The following RAI14 variants were observed in gnomAD, a reference collection of about 807,000 sequenced individuals.
RAI14 encodes retinoic acid induced 14, also known as ankycorbin.
Under a neutral mutation model 115.4 loss-of-function variants are expected in RAI14, and 45 were observed. The observed-to-expected ratio is 0.39, with a 90% CI of 0.31 to 0.50. RAI14 has a LOEUF of 0.50. RAI14 is among the 20% of genes least tolerant of loss of function. The pLI is 0.85. For missense variants in RAI14, 939 were observed against 1,131.2 expected (o/e 0.83, Z 2.44); for synonymous variants, 371 against 415.4 (o/e 0.89, Z 1.30).
At chr5:34,819,353 A>G (rs567693044) in intron 13 of RAI14, among the ~76,000 whole-genome samples, 6 of 152,356 alleles carry the variant, frequency 3.9e-5, no homozygotes, top group Admixed American at 3.3e-4. Context: ...TATCATGTTC[A>G]GATGAGGTCC....
chr5:34,696,200 A>G (rs7700736), intron 2 of RAI14, among the ~76,000 whole-genome samples: 123,710 of 151,946 alleles, frequency 0.81, 50,918 homozygotes, highest in African/African-American at 0.92. Flanking sequence ...GTGCAGTGGC[A>G]CAATCTTGGC....
chr5:34,803,731 C>T lies in RAI14; in HGVS notation c.276C>T (p.Leu92=), dbSNP rs200367467. 31 of 1,611,464 alleles carry T rather than the reference C, an allele frequency of 1.9e-5. No homozygotes were observed. The highest frequency in any genetic ancestry group is 1.6e-4 in the Middle Eastern group (1 of 6,080). ...QDTTGHSALH[L]AAKNSHHECI... ...ATTTAGGACACAGCGCCTTACATCT[C>T]GCAGCCAAGAACAGCCACCATGAAT... is the stretch of plus-strand genomic sequence containing the variant. The change falls in exon 5 of 18, where the codon CTC becomes CTT. Residue 92 remains leucine (L), a synonymous_variant. Transcript: ENST00000265109.
rs575169517 is a variant in RAI14 at position 34,796,163 on chromosome 5, G to T, written c.256+136G>T. 5.3e-4 allele frequency: 347 copies of T among 649,896 alleles called. 2 individuals are homozygous for T. In the African/African-American group the frequency reaches 5.7e-3, roughly 11 times the overall value. 40.3% of individuals were successfully genotyped at this position (649,896 alleles called of 1,614,324 possible). A position where few individuals can be genotyped will look rare whatever the true frequency, so the allele number is the denominator to read the frequency against. ...TAATTACAGCACTCTGCGAGGGTGA[G>T]GTGTGTGGATCACTTGAGGCCAGGA... On this transcript the variant is annotated intron_variant, in intron 4 of 17. Transcript: ENST00000265109.
chr5:34,769,182 C>A (rs1749822271), intron 3 of RAI14, among the ~76,000 whole-genome samples: 1 of 151,974 alleles, frequency 6.6e-6, no homozygotes, highest in Non-Finnish European at 1.5e-5. Context: ...ATTTATTATA[C>A]CTTTTGAGCA....
intron 1 of RAI14, among the ~76,000 whole-genome samples, chr5:34,661,600 A>T: frequency 6.6e-6 from 1 of 152,154 alleles, no homozygotes; most frequent in East Asian, 1.9e-4. Context: ...CCTATAAGCC[A>T]CTTAATGTCT....
At chr5:34,678,575 G>A (rs967295720) in intron 1 of RAI14, among the ~76,000 whole-genome samples, 5 of 152,170 alleles carry the variant, frequency 3.3e-5, no homozygotes, top group African/African-American at 9.7e-5. Flanking sequence ...AACACAGGGC[G>A]AAGGCGTCCA....
intron 2 of RAI14, among the ~76,000 whole-genome samples, chr5:34,752,739 GTGTGTGTGTGTATA>G (rs1444175828): frequency 3.8e-5 from 4 of 105,742 alleles, no homozygotes; most frequent in Admixed American, 1.8e-4. Context: ...GTGTGTGTGT[GTGTGTGTGTGTATA>G]TATATATATA....
chr5:34,753,465 A>G (rs1323360553), intron 2 of RAI14, among the ~76,000 whole-genome samples: 5 of 152,082 alleles, frequency 3.3e-5, no homozygotes, highest in African/African-American at 1.2e-4. Context: ...GTGATTGGCT[A>G]TGGGAATTTT....
intron 4 of RAI14, among the ~76,000 whole-genome samples, chr5:34,798,416 A>G (rs978216408): frequency 2.6e-5 from 4 of 151,974 alleles, no homozygotes; most frequent in African/African-American, 9.7e-5. Flanking sequence ...AAAGAAGAAG[A>G]TAACTCAAGT....
chr5:34,713,089 GAAT>G (rs1741591881), intron 2 of RAI14, among the ~76,000 whole-genome samples: 1 of 152,066 alleles, frequency 6.6e-6, no homozygotes, highest in African/African-American at 2.4e-5. Flanking sequence ...ACATGTGGAA[GAAT>G]AATATTTAGG....
In RAI14 at chr5:34,688,412, A is replaced by G. The variant is rs757761880; in HGVS notation, c.36+1457A>G. The G allele has an allele frequency of 6.7e-5, 40 of 596,508 alleles. No individual in the cohort carries two copies. In the South Asian group the frequency reaches 7.2e-4, roughly 11 times the overall value. 37.0% of individuals were successfully genotyped at this position (596,508 alleles called of 1,614,324 possible). ...ATTTCATCAGTCTAGACTTCCATAT[A>G]TATATGAACAGGGGCCCAGAGGAAT... On this transcript the variant is annotated intron_variant, in intron 2 of 17. Coordinates refer to ENST00000265109, the MANE Select transcript of RAI14 (RefSeq NM_015577.3).
intron 3 of RAI14, among the ~76,000 whole-genome samples, chr5:34,764,307 A>C (rs1452333640): frequency 6.6e-6 from 1 of 152,290 alleles, no homozygotes; most frequent in South Asian, 2.1e-4. Flanking sequence ...GCTTTGACAA[A>C]TGCTGAATTC....
At chr5:34,701,622 G>A (rs902887836) in intron 2 of RAI14, among the ~76,000 whole-genome samples, 4 of 152,100 alleles carry the variant, frequency 2.6e-5, no homozygotes, top group African/African-American at 4.8e-5. Context: ...CCTTACAGTT[G>A]TCAAACTGAT....
chr5:34,807,342 A>G (rs1362344805), intron 5 of RAI14, among the ~76,000 whole-genome samples: 1 of 152,044 alleles, frequency 6.6e-6, no homozygotes, highest in Non-Finnish European at 1.5e-5. Context: ...GTTTTTGGTG[A>G]CCTTGACCAA....
intron 3 of RAI14, among the ~76,000 whole-genome samples, chr5:34,776,806 T>TCTCAAAAAAAAAAAACAACAAA (rs1561347587): frequency 1.1e-5 from 1 of 89,796 alleles, no homozygotes; most frequent in Non-Finnish European, 3.1e-5. Flanking sequence ...GACCCTTTAT[T>TCTCAAAAAAAAAAAACAACAAA]AAAAAAACCC....
intron 1 of RAI14, among the ~76,000 whole-genome samples, chr5:34,662,313 C>T (rs142427731): frequency 2.8e-4 from 43 of 152,320 alleles, no homozygotes; most frequent in Non-Finnish European, 4.6e-4. Flanking sequence ...CCACATCGTA[C>T]AGTCCTTAAT....
Position 34,750,793 on chromosome 5 carries a change from A to G in RAI14, c.37-6675A>G, listed in dbSNP as rs889657495. 9.6e-5 allele frequency among the ~76,000 whole-genome samples: 14 copies of G among 145,496 alleles called. 1 individual carries two copies. In the Admixed American group the frequency reaches 9.7e-4, roughly 10 times the overall value. On this transcript the variant is annotated intron_variant, in intron 2 of 17. Transcript: ENST00000265109. ...CTTCCTGATAGGATGCCACACCTTCACCCCTAATCATGACCCTTACTTTTA... is the reference window on the plus strand; with the variant it reads ...CTTCCTGATAGGATGCCACACCTTCGCCCCTAATCATGACCCTTACTTTTA...
intron 16 of RAI14, among the ~76,000 whole-genome samples, chr5:34,826,685 G>A (rs1675594483): frequency 6.6e-6 from 1 of 152,166 alleles, no homozygotes; most frequent in South Asian, 2.1e-4. Context: ...CAATGCAACG[G>A]GTCAGATATT....
At chr5:34,687,037 C>A in intron 2 of RAI14, 82 bp downstream of exon 2, 1 of 1,492,546 alleles carries the variant, frequency 6.7e-7, no homozygotes, top group Non-Finnish European at 9.3e-7. Flanking sequence ...CTTGATAAGG[C>A]GCTGTTGGGT....
Sources: allele counts gnomAD v4.1 joint callset (sites outside exome capture counted in the v4.1 genomes callset), GRCh38; gene constraint gnomAD v4.1.1; transcripts MANE v1.5; gene names NCBI Gene and HGNC (gene_info 2026-07-23, HGNC 2026-07-21).